The following RUNX1 variants were observed in gnomAD, a reference collection of about 807,000 sequenced individuals.
RUNX1 encodes runt-related transcription factor 1.
RUNX1 carries 19 observed loss-of-function variants against 42.8 expected under a neutral mutation model. That is an observed-to-expected ratio of 0.44 (90% CI 0.31 to 0.65). RUNX1 has a LOEUF of 0.65. RUNX1 is among the 30% of genes least tolerant of loss of function. The pLI is 0.07. For synonymous variants in RUNX1, 271 were observed against 289.4 expected, an observed-to-expected ratio of 0.94 and a Z score of 0.64; for missense variants, 528 against 672.0, an observed-to-expected ratio of 0.79 and a Z score of 2.37.
At chr21:34,944,010 C>T (rs942608611) in intron 2 of RUNX1, among the ~76,000 whole-genome samples, 3 of 151,752 alleles carry the variant, frequency 2.0e-5, no homozygotes, top group Non-Finnish European at 4.4e-5. Context: ...GCCCTCAAGA[C>T]TTTTTTTTAC....
intron 6 of RUNX1, among the ~76,000 whole-genome samples, chr21:34,835,126 G>A (rs2057126343): frequency 1.3e-5 from 2 of 152,100 alleles, no homozygotes; most frequent in Admixed American, 1.3e-4. Flanking sequence ...AGGCGTGGCT[G>A]CAAACCCACA....
chr21:34,822,406 C>A (rs2056921138), intron 7 of RUNX1, among the ~76,000 whole-genome samples: 1 of 152,214 alleles, frequency 6.6e-6, no homozygotes, highest in African/African-American at 2.4e-5. Flanking sequence ...GTGAACCAGG[C>A]AATGTCCTTG....
intron 2 of RUNX1, among the ~76,000 whole-genome samples, chr21:34,941,648 T>G (rs1249245447): frequency 2.6e-5 from 4 of 152,140 alleles, no homozygotes; most frequent in African/African-American, 9.7e-5. Flanking sequence ...GCCCATATAC[T>G]CTACAAAAAA....
intron 5 of RUNX1, among the ~76,000 whole-genome samples, chr21:34,872,635 G>A (rs1352232449): frequency 6.6e-6 from 1 of 152,138 alleles, no homozygotes; most frequent in Non-Finnish European, 1.5e-5. Context: ...AGAATAAAAG[G>A]GGCAAGGGAA....
At chr21:34,968,855 G>A (rs1041763678) in intron 2 of RUNX1, among the ~76,000 whole-genome samples, 1 of 152,172 alleles carries the variant, frequency 6.6e-6, no homozygotes, top group Non-Finnish European at 1.5e-5. Context: ...GAACTCTGCA[G>A]CGAGTGCCAA....
chr21:34,957,716 C>T (rs967830025), intron 2 of RUNX1, among the ~76,000 whole-genome samples: 3 of 152,162 alleles, frequency 2.0e-5, no homozygotes, highest in East Asian at 1.9e-4. Flanking sequence ...GCAAGGATCC[C>T]GGAATGAGGC....
Position 34,901,486 on chromosome 21 carries a change from C to G in RUNX1, c.59-8523G>C, listed in dbSNP as rs2058177243. Among the ~76,000 whole-genome samples the G allele has an allele frequency of 2.0e-5, 3 of 152,040 alleles. No individual in the cohort carries two copies. On this transcript the variant is annotated intron_variant, in intron 2 of 8. Coordinates refer to ENST00000675419, the MANE Select transcript of RUNX1 (RefSeq NM_001754.5). The surrounding 1 kb of genome is among the most constrained non-coding windows in gnomAD (Gnocchi z 4.3). ...TGAGATGGCACCACTGCACTCCAACCTGGGGGACAGAGCCAGATCCGTCTC... is the reference window on the plus strand; with the variant it reads ...TGAGATGGCACCACTGCACTCCAACGTGGGGGACAGAGCCAGATCCGTCTC...
At chr21:34,957,148 G>A (rs530681408) in intron 2 of RUNX1, among the ~76,000 whole-genome samples, 6 of 152,170 alleles carry the variant, frequency 3.9e-5, no homozygotes, top group Non-Finnish European at 8.8e-5. Context: ...TCTCCTCTCT[G>A]CCAAATAGGG....
chr21:34,807,872 G>A (rs1425560457), intron 7 of RUNX1, among the ~76,000 whole-genome samples: 1 of 152,226 alleles, frequency 6.6e-6, no homozygotes, highest in African/African-American at 2.4e-5. Flanking sequence ...GATGTCAGGG[G>A]CCTTTCAGAG....
intron 5 of RUNX1, among the ~76,000 whole-genome samples, chr21:34,875,054 C>T (rs781335448): frequency 1.3e-5 from 2 of 152,192 alleles, no homozygotes; most frequent in African/African-American, 4.8e-5. Flanking sequence ...TACAAATAAC[C>T]TCAATTTAAA....
chr21:34,855,938 A>G (rs1255943584), intron 6 of RUNX1, among the ~76,000 whole-genome samples: 2 of 152,204 alleles, frequency 1.3e-5, no homozygotes, highest in East Asian at 3.8e-4. Flanking sequence ...TTAATTTTTC[A>G]ACAATTAATA....
At chr21:34,897,958 C>A (rs2058143844) in intron 2 of RUNX1, among the ~76,000 whole-genome samples, 1 of 152,182 alleles carries the variant, frequency 6.6e-6, no homozygotes, top group African/African-American at 2.4e-5. Context: ...TAGCCCTAAT[C>A]TAATCACAGG....
chr21:34,815,837 TGAAAA>T (rs1000967084), intron 7 of RUNX1, among the ~76,000 whole-genome samples: 4 of 151,492 alleles, frequency 2.6e-5, no homozygotes, highest in Non-Finnish European at 5.9e-5. Context: ...GGAAGGAAGA[TGAAAA>T]GAAAGAAGCT....
intron 2 of RUNX1, among the ~76,000 whole-genome samples, chr21:34,961,350 T>C (rs1004066844): frequency 1.3e-5 from 2 of 151,042 alleles, no homozygotes; most frequent in African/African-American, 4.9e-5. Flanking sequence ...AGCAAGACTC[T>C]ATCTCAAAAT....
chr21:34,989,514 G>A (rs1268617941), intron 2 of RUNX1, among the ~76,000 whole-genome samples: 2 of 152,074 alleles, frequency 1.3e-5, no homozygotes, highest in African/African-American at 4.8e-5. Flanking sequence ...GTCTTTCCCA[G>A]GCTTCTGAAA....
At chr21:34,865,355 T>C (rs1343037330) in intron 5 of RUNX1, among the ~76,000 whole-genome samples, 2 of 149,352 alleles carry the variant, frequency 1.3e-5, no homozygotes, top group African/African-American at 4.9e-5. Flanking sequence ...CTACCAGGCC[T>C]AAACGCAACT....
rs1247542950 is a variant in RUNX1 at position 34,838,083 on chromosome 21, C to T, written c.614-3482G>A. On this transcript the variant is annotated intron_variant, in intron 6 of 8. Coordinates refer to ENST00000675419, the MANE Select transcript of RUNX1 (RefSeq NM_001754.5). ...TTTCGGGGTTGGCTGCTCATTAGGC[C>T]ATCCTTAAATGTTATGATATTTTGT... Among the ~76,000 whole-genome samples, 3 of 152,144 alleles carry T rather than the reference C, an allele frequency of 2.0e-5. No homozygotes were observed. The East Asian group carries it at 5.8e-4, about 29-fold the overall frequency.
chr21:34,971,707 G>A (rs900902832), intron 2 of RUNX1, among the ~76,000 whole-genome samples: 2 of 152,190 alleles, frequency 1.3e-5, no homozygotes, highest in African/African-American at 4.8e-5. Context: ...TAGGGCACAG[G>A]TTCCCATGTG....
chr21:35,046,693 A>G (rs1184352474), intron 2 of RUNX1, among the ~76,000 whole-genome samples: 1 of 152,116 alleles, frequency 6.6e-6, no homozygotes, highest in Admixed American at 6.5e-5. Context: ...GACAATTTAA[A>G]CCTTTATGTT....
Sources: allele counts gnomAD v4.1 joint callset (sites outside exome capture counted in the v4.1 genomes callset), GRCh38; gene constraint gnomAD v4.1.1; non-coding constraint Gnocchi (gnomAD v3.1); transcripts MANE v1.5; gene names NCBI Gene and HGNC (gene_info 2026-07-23, HGNC 2026-07-21).